Variants in CAMTA1 observed in about 807,000 individuals in gnomAD.
CAMTA1 encodes the protein calmodulin-binding transcription activator 1.
A neutral mutation model predicts 170.9 loss-of-function variants in CAMTA1; 27 were observed. The observed-to-expected ratio is 0.16, with a 90% CI of 0.12 to 0.22. The LOEUF is 0.22. Ranked by LOEUF, CAMTA1 falls within the 10% of genes least tolerant of loss-of-function variation. The pLI, the probability that CAMTA1 is intolerant of heterozygous loss-of-function variation, is 1.00. For missense variants in CAMTA1, 1,619 were observed against 2,217.2 expected, an observed-to-expected ratio of 0.73 and a Z score of 5.42; for synonymous variants, 833 against 891.5, an observed-to-expected ratio of 0.93 and a Z score of 1.17.
rs1213074966 is a variant in CAMTA1 at position 7,534,999 on chromosome 1, G to C, written c.510+67098G>C. On this transcript the variant is annotated intron_variant, in intron 6 of 22. Transcript: ENST00000303635. This position sits in a 1 kb window ranked among gnomAD's most constrained non-coding sequence, Gnocchi z 5.6. ...GAAGGAGAGAGGAGGGGAGGGGAGG[G>C]CTAGGAAGATCCCATCCAAAAAAGG... 6.6e-6 allele frequency among the ~76,000 whole-genome samples: 1 copy of C among 151,814 alleles called. No homozygotes were observed. Among genetic ancestry groups the C allele is most frequent in the Admixed American group, 6.6e-5 (1 of 15,258 alleles).
At chr1:6,876,598 G>A (rs911043506) in intron 3 of CAMTA1, among the ~76,000 whole-genome samples, 1 of 152,068 alleles carries the variant, frequency 6.6e-6, no homozygotes, top group African/African-American at 2.4e-5. Context: ...CCTGACCTCA[G>A]GTGATCCACC....
chr1:7,171,082 A>G (rs1436411699), intron 4 of CAMTA1, among the ~76,000 whole-genome samples: 1 of 152,186 alleles, frequency 6.6e-6, no homozygotes, highest in African/African-American at 2.4e-5. Flanking sequence ...GGATTTGTTC[A>G]GTTTCTCCTG....
In CAMTA1 at chr1:6,979,212, GC is replaced by G. The variant is rs1332779857; in HGVS notation, c.235-112087del. On this transcript the variant is annotated intron_variant, in intron 3 of 22. Coordinates refer to ENST00000303635, the MANE Select transcript of CAMTA1 (RefSeq NM_015215.4). Reference sequence around the variant, plus strand: ...GGCCTGGCAGGGCAGCCCCATCCCTGCCCCCTTGGAGGAAGTTTCCTGAACT... The same window carrying G: ...GGCCTGGCAGGGCAGCCCCATCCCTGCCCCTTGGAGGAAGTTTCCTGAACT... Among the ~76,000 whole-genome samples the G allele has an allele frequency of 2.6e-5, 4 of 152,256 alleles. No homozygotes were observed. In the South Asian group the frequency reaches 6.2e-4, roughly 24 times the overall value.
chr1:7,198,028 A>T (rs1385038893), intron 4 of CAMTA1, among the ~76,000 whole-genome samples: 1 of 152,120 alleles, frequency 6.6e-6, no homozygotes, highest in Non-Finnish European at 1.5e-5. Context: ...TTCGGGAGAC[A>T]TCTGTTCTGT....
intron 1 of CAMTA1, 121 bp from the exon 2 acceptor site, chr1:6,820,060 A>G: frequency 1.5e-6 from 1 of 675,334 alleles, no homozygotes; most frequent in Non-Finnish European, 2.7e-6. Context: ...CTTGATTTGG[A>G]TTTGTCTGAT....
intron 6 of CAMTA1, among the ~76,000 whole-genome samples, chr1:7,611,342 C>A (rs1276023939): frequency 2.0e-5 from 3 of 152,202 alleles, no homozygotes; most frequent in Admixed American, 6.5e-5. Flanking sequence ...AGTTTTCTGG[C>A]ACCCCCTTAA....
Position 7,103,969 on chromosome 1 carries a change from ACG to A in CAMTA1, c.302+12600_302+12601del, listed in dbSNP as rs370247122. ...CACACACGTACATACAACTACACAC[ACG>A]CACACACAACACACAAGTACACACA... On this transcript the variant is annotated intron_variant, in intron 4 of 22. Coordinates refer to ENST00000303635, the MANE Select transcript of CAMTA1 (RefSeq NM_015215.4). Among the ~76,000 whole-genome samples, 96 of 151,908 alleles carry A rather than the reference ACG, an allele frequency of 6.3e-4. 1 individual carries two copies. Among genetic ancestry groups the A allele is most frequent in the African/African-American group, 2.1e-3 (89 of 41,406 alleles).
chr1:6,868,434 T>C (rs1667396344), intron 3 of CAMTA1, among the ~76,000 whole-genome samples: 1 of 152,196 alleles, frequency 6.6e-6, no homozygotes, highest in Admixed American at 6.5e-5. Flanking sequence ...TTAGCTTCTA[T>C]GACTCTGCAT....
intron 3 of CAMTA1, among the ~76,000 whole-genome samples, chr1:6,842,826 A>G (rs1048042171): frequency 6.6e-6 from 1 of 152,152 alleles, no homozygotes; most frequent in Non-Finnish European, 1.5e-5. Flanking sequence ...CGGGAGGCCA[A>G]GGCAGGAGAA....
At chr1:6,923,805 C>T (rs1682528097) in intron 3 of CAMTA1, among the ~76,000 whole-genome samples, 1 of 152,230 alleles carries the variant, frequency 6.6e-6, no homozygotes, top group African/African-American at 2.4e-5. Flanking sequence ...AGATAGACAC[C>T]TTTACCTTCC....
chr1:7,704,765 C>T (rs1410669639), intron 11 of CAMTA1, among the ~76,000 whole-genome samples: 1 of 147,772 alleles, frequency 6.8e-6, no homozygotes, highest in Non-Finnish European at 1.5e-5. Context: ...GTTCCAGCTG[C>T]GGCGAGTGGA....
intron 11 of CAMTA1, among the ~76,000 whole-genome samples, chr1:7,690,130 T>C (rs932870270): frequency 6.6e-6 from 1 of 151,996 alleles, no homozygotes. Flanking sequence ...GCCACTGCAC[T>C]CCAGCCTAGG....
intron 6 of CAMTA1, among the ~76,000 whole-genome samples, chr1:7,517,247 T>G (rs1202885269): frequency 6.6e-6 from 1 of 152,186 alleles, no homozygotes; most frequent in African/African-American, 2.4e-5. Flanking sequence ...ATAACCAGGA[T>G]CCTTCTAATT....
chr1:7,680,269 A>G lies in CAMTA1; in HGVS notation c.2914+2536A>G. ...CCCGGCCCCTCCCCTCGGTCTCCGC[A>G]GCTTCTCGGCTCAGCCCCTCCCGTC... On this transcript the variant is annotated intron_variant, in intron 11 of 22. Transcript: ENST00000303635. This position sits in a 1 kb window ranked among gnomAD's most constrained non-coding sequence, Gnocchi z 4.4. 4.5e-6 allele frequency: 1 copy of G among 223,826 alleles called. No individual in the cohort carries two copies. Among genetic ancestry groups the G allele is most frequent in the Admixed American group, 5.5e-5 (1 of 18,064 alleles). 13.9% of individuals were successfully genotyped at this position (223,826 alleles called of 1,614,324 possible).
chr1:7,145,247 G>A (rs561850464), intron 4 of CAMTA1, among the ~76,000 whole-genome samples: 104 of 152,288 alleles, frequency 6.8e-4, no homozygotes, highest in African/African-American at 2.3e-3. Context: ...TTTCCGCACC[G>A]CTCCTCTGCG....
chr1:7,284,852 G>A (rs540930480), intron 5 of CAMTA1, among the ~76,000 whole-genome samples: 2 of 152,130 alleles, frequency 1.3e-5, no homozygotes, highest in Non-Finnish European at 2.9e-5. Flanking sequence ...CTTCTCCCTG[G>A]TGGGGCCACT....
chr1:7,563,891 G>A (rs2094997218), intron 6 of CAMTA1, among the ~76,000 whole-genome samples: 1 of 152,186 alleles, frequency 6.6e-6, no homozygotes, highest in South Asian at 2.1e-4. Context: ...AAGAACAGGA[G>A]AGCTAAGCAG....
chr1:7,059,726 A>G (rs1707917851), intron 3 of CAMTA1, among the ~76,000 whole-genome samples: 1 of 152,204 alleles, frequency 6.6e-6, no homozygotes, highest in Non-Finnish European at 1.5e-5. Flanking sequence ...TCTTAGGGGA[A>G]CTTTGTACTA....
At chr1:7,211,748 G>A (rs1319634459) in intron 4 of CAMTA1, among the ~76,000 whole-genome samples, 2 of 152,210 alleles carry the variant, frequency 1.3e-5, no homozygotes, top group East Asian at 3.8e-4. Context: ...TGCCTTGCGA[G>A]TGGTATGCCA....
Sources: allele counts gnomAD v4.1 joint callset (sites outside exome capture counted in the v4.1 genomes callset), GRCh38; gene constraint gnomAD v4.1.1; non-coding constraint Gnocchi (gnomAD v3.1); transcripts MANE v1.5; gene names NCBI Gene and HGNC (gene_info 2026-07-23, HGNC 2026-07-21).